KCNJ6: variants seen among roughly 807,000 people sequenced by gnomAD.
KCNJ6 encodes the protein potassium inwardly rectifying channel subfamily J member 6.
Under a neutral mutation model 34.2 loss-of-function variants are expected in KCNJ6, and 9 were observed. That is an observed-to-expected ratio of 0.26 (90% CI 0.16 to 0.46). The LOEUF is 0.46. Among genes scored for constraint, KCNJ6 ranks in the 20% least tolerant of loss-of-function variants. The pLI is 1.00. For missense variants in KCNJ6, 236 were observed against 531.3 expected, an observed-to-expected ratio of 0.44 and a Z score of 5.46; for synonymous variants, 196 against 207.1, an observed-to-expected ratio of 0.95 and a Z score of 0.46.
At chr21:37,910,522 A>C (rs1251275304) in intron 1 of KCNJ6, among the ~76,000 whole-genome samples, 1 of 152,216 alleles carries the variant, frequency 6.6e-6, no homozygotes, top group Non-Finnish European at 1.5e-5. Context: ...GTCCCACAGA[A>C]CAGTTGTTGG....
At chr21:37,808,080 C>A (rs1361828966) in intron 2 of KCNJ6, among the ~76,000 whole-genome samples, 1 of 152,162 alleles carries the variant, frequency 6.6e-6, no homozygotes, top group African/African-American at 2.4e-5. Flanking sequence ...GTAGCCACAC[C>A]TCTACTATAG....
intron 1 of KCNJ6, among the ~76,000 whole-genome samples, chr21:37,844,146 C>A (rs979869689): frequency 6.6e-6 from 1 of 151,866 alleles, no homozygotes; most frequent in African/African-American, 2.4e-5. Context: ...ACAACCTCCG[C>A]CTCCCGGGTT....
chr21:37,642,547 T>G (rs2054385687), intron 3 of KCNJ6, among the ~76,000 whole-genome samples: 1 of 152,026 alleles, frequency 6.6e-6, no homozygotes, highest in Non-Finnish European at 1.5e-5. Flanking sequence ...GAGAAGTGTT[T>G]GAGGTGAGGA....
At chr21:37,802,727 G>T (rs183161204) in intron 2 of KCNJ6, among the ~76,000 whole-genome samples, 1 of 152,148 alleles carries the variant, frequency 6.6e-6, no homozygotes, top group Non-Finnish European at 1.5e-5. Context: ...AAATTCAGTG[G>T]CTTAAAATAA....
chr21:37,630,132 C>CTGTGTGTG (rs367573192), intron 3 of KCNJ6, among the ~76,000 whole-genome samples: 2 of 44,332 alleles, frequency 4.5e-5, no homozygotes, highest in Admixed American at 5.2e-4. Context: ...AAGATGACAT[C>CTGTGTGTG]TCTGTGTGTG....
chr21:37,641,060 G>A (rs2054378598), intron 3 of KCNJ6, among the ~76,000 whole-genome samples: 1 of 152,150 alleles, frequency 6.6e-6, no homozygotes, highest in South Asian at 2.1e-4. Flanking sequence ...AGCTGCAACT[G>A]GGTTATAGGA....
chr21:37,643,995 T>C (rs1022158591), intron 3 of KCNJ6, among the ~76,000 whole-genome samples: 1 of 152,106 alleles, frequency 6.6e-6, no homozygotes, highest in Admixed American at 6.5e-5. Flanking sequence ...CAATTGTGGA[T>C]TGGATAAAGA....
At chr21:37,659,400 C>G (rs1476985063) in intron 3 of KCNJ6, among the ~76,000 whole-genome samples, 1 of 152,212 alleles carries the variant, frequency 6.6e-6, no homozygotes, top group Non-Finnish European at 1.5e-5. Context: ...GGAGTAGGGG[C>G]CTGTGGCAAC....
At position 37,623,563 on chromosome 21, in the gene KCNJ6, T is replaced by A. The variant is rs893878162; in HGVS notation, c.*1596A>T. ...TTTGATCTAAGATTTGTTTCCTTAT[T>A]TTTTTCATTTTAAAATTCAGATTTC... On this transcript the variant is annotated 3_prime_UTR_variant, in exon 4 of 4. Coordinates refer to ENST00000609713, the MANE Select transcript of KCNJ6 (RefSeq NM_002240.5). 1.3e-5 allele frequency: 2 copies of A among 152,206 alleles called. No individual in the cohort carries two copies. Among genetic ancestry groups the A allele is most frequent in the African/African-American group, 4.8e-5 (2 of 41,450 alleles). 9.4% of individuals were successfully genotyped at this position (152,206 alleles called of 1,614,324 possible).
intron 1 of KCNJ6, among the ~76,000 whole-genome samples, chr21:37,879,925 A>G (rs1401051197): frequency 6.6e-6 from 1 of 152,120 alleles, no homozygotes; most frequent in Non-Finnish European, 1.5e-5. Context: ...ACTCACCTAT[A>G]GGTTTTTATA....
intron 3 of KCNJ6, among the ~76,000 whole-genome samples, chr21:37,635,932 G>A (rs1481817398): frequency 6.6e-6 from 1 of 152,148 alleles, no homozygotes; most frequent in Non-Finnish European, 1.5e-5. Context: ...GAAATTTTTT[G>A]TATTACACTG....
At chr21:37,747,065 A>G (rs564061138) in intron 2 of KCNJ6, among the ~76,000 whole-genome samples, 2 of 152,344 alleles carry the variant, frequency 1.3e-5, no homozygotes, top group South Asian at 4.1e-4. Context: ...AGCTTCCAGA[A>G]GTACAGGATG....
intron 3 of KCNJ6, among the ~76,000 whole-genome samples, chr21:37,707,875 A>G (rs1355621097): frequency 1.3e-5 from 2 of 151,738 alleles, no homozygotes; most frequent in Non-Finnish European, 2.9e-5. Flanking sequence ...TTGTTTAAGG[A>G]TATGCTAATT....
chr21:37,895,897 C>T (rs1320271211), intron 1 of KCNJ6, among the ~76,000 whole-genome samples: 1 of 152,236 alleles, frequency 6.6e-6, no homozygotes, highest in Non-Finnish European at 1.5e-5. Flanking sequence ...GAAACTTTCT[C>T]ACAAGTCTGA....
intron 3 of KCNJ6, among the ~76,000 whole-genome samples, chr21:37,651,704 A>G (rs2054434475): frequency 6.6e-6 from 1 of 152,178 alleles, no homozygotes. Flanking sequence ...ACACCAACAT[A>G]TGGACTCCTG....
At chr21:37,910,062 G>A (rs2055859877) in intron 1 of KCNJ6, among the ~76,000 whole-genome samples, 1 of 152,162 alleles carries the variant, frequency 6.6e-6, no homozygotes, top group Admixed American at 6.5e-5. Flanking sequence ...TCTGATACTG[G>A]GATAGAGTGT....
At position 37,709,575 on chromosome 21, in the gene KCNJ6, C is replaced by T. The variant is rs16995413; in HGVS notation, c.946+4636G>A. ...GTCTTTTCTGGGTGCATTTCTCTGC[C>T]GAATCATCATGAATCAGCAGCACTC... On this transcript the variant is annotated intron_variant, in intron 3 of 3. Transcript: ENST00000609713. Among the ~76,000 whole-genome samples the T allele has an allele frequency of 3.4e-3, 518 of 152,054 alleles. 4 individuals carry two copies. Among genetic ancestry groups the T allele is most frequent in the Middle Eastern group, 0.024 (7 of 294 alleles).
intron 3 of KCNJ6, among the ~76,000 whole-genome samples, chr21:37,659,229 T>C (rs1427096431): frequency 1.3e-5 from 2 of 152,208 alleles, no homozygotes; most frequent in African/African-American, 4.8e-5. Flanking sequence ...TCAGATCATG[T>C]TGTTCCACAA....
intron 2 of KCNJ6, among the ~76,000 whole-genome samples, chr21:37,817,348 C>G (rs974748197): frequency 1.3e-5 from 2 of 152,134 alleles, no homozygotes; most frequent in Non-Finnish European, 2.9e-5. Flanking sequence ...TAACAGTATT[C>G]ATCATAGAGG....
Sources: allele counts gnomAD v4.1 joint callset (sites outside exome capture counted in the v4.1 genomes callset), GRCh38; gene constraint gnomAD v4.1.1; transcripts MANE v1.5; gene names NCBI Gene and HGNC (gene_info 2026-07-23, HGNC 2026-07-21).